Variants in SLIT3 observed in about 807,000 individuals in gnomAD.
SLIT3 encodes the protein slit guidance ligand 3.
In SLIT3, 68 loss-of-function variants were observed where a neutral mutation model predicts 184.0. That is an observed-to-expected ratio of 0.37 (90% CI 0.30 to 0.45). The LOEUF (loss-of-function observed/expected upper bound fraction) is 0.45, where lower values mean the gene tolerates loss of function less well. Ranked by LOEUF, SLIT3 falls within the 20% of genes least tolerant of loss-of-function variation. The pLI is 1.00. For missense variants in SLIT3, 1,707 were observed against 2,026.0 expected (o/e 0.84, Z 3.02); for synonymous variants, 831 against 828.6 (o/e 1.00, Z -0.05).
intron 6 of SLIT3, among the ~76,000 whole-genome samples, chr5:168,838,708 T>C (rs748797271): frequency 3.3e-5 from 5 of 152,164 alleles, no homozygotes; most frequent in African/African-American, 4.8e-5. Context: ...GTTTCAGGAC[T>C]GCTGTCGATT....
intron 4 of SLIT3, among the ~76,000 whole-genome samples, chr5:168,949,118 A>G (rs888378237): frequency 3.9e-5 from 6 of 152,312 alleles, no homozygotes; most frequent in South Asian, 2.1e-4. Context: ...TCTAACAGTC[A>G]GGTCAGCTCA....
chr5:169,217,519 C>T (rs999698400), intron 3 of SLIT3, among the ~76,000 whole-genome samples: 1 of 152,134 alleles, frequency 6.6e-6, no homozygotes, highest in Non-Finnish European at 1.5e-5. Flanking sequence ...ACACCATTGC[C>T]ACAAACACTC....
chr5:168,920,158 G>A (rs113051007), intron 4 of SLIT3, among the ~76,000 whole-genome samples: 1 of 152,076 alleles, frequency 6.6e-6, no homozygotes, highest in Non-Finnish European at 1.5e-5. Flanking sequence ...TGGGTATCTG[G>A]TCCTCACTTG....
intron 35 of SLIT3, 36 bp downstream of exon 35, chr5:168,669,747 C>A (rs781152983): frequency 6.4e-7 from 1 of 1,569,656 alleles, no homozygotes. Flanking sequence ...AACTCTGACC[C>A]CCACTTCCTC....
At chr5:168,929,590 T>C (rs1050414702) in intron 4 of SLIT3, among the ~76,000 whole-genome samples, 12 of 152,306 alleles carry the variant, frequency 7.9e-5, no homozygotes, top group East Asian at 1.9e-4. Context: ...TTCTGCACAA[T>C]TGGAAATGAG....
chr5:168,814,034 A>C (rs1757249477), intron 8 of SLIT3, among the ~76,000 whole-genome samples: 1 of 152,098 alleles, frequency 6.6e-6, no homozygotes, highest in Non-Finnish European at 1.5e-5. Context: ...TTCTTGACTG[A>C]ATTTCTCCTC....
intron 1 of SLIT3, among the ~76,000 whole-genome samples, chr5:169,290,951 G>C (rs1343565116): frequency 6.6e-6 from 1 of 152,136 alleles, no homozygotes; most frequent in Admixed American, 6.5e-5. Context: ...TAGAGAGGTA[G>C]AAAAACCCAA....
At chr5:168,845,009 A>G (rs1758407740) in intron 5 of SLIT3, among the ~76,000 whole-genome samples, 1 of 151,410 alleles carries the variant, frequency 6.6e-6, no homozygotes, top group Non-Finnish European at 1.5e-5. Context: ...ATTAAGCTAA[A>G]GGCCTGTAAA....
intron 4 of SLIT3, among the ~76,000 whole-genome samples, chr5:169,010,263 C>G (rs1219842006): frequency 6.6e-6 from 1 of 152,110 alleles, no homozygotes; most frequent in African/African-American, 2.4e-5. Flanking sequence ...CCTAACAATG[C>G]CAGATGAACA....
chr5:168,815,123 G>C (rs774052264), intron 8 of SLIT3, among the ~76,000 whole-genome samples: 2 of 152,226 alleles, frequency 1.3e-5, no homozygotes, highest in Non-Finnish European at 2.9e-5. Flanking sequence ...ATACTAAGAA[G>C]CTCCAGGGAC....
At chr5:169,205,162 A>C (rs571158871) in intron 3 of SLIT3, among the ~76,000 whole-genome samples, 1 of 152,150 alleles carries the variant, frequency 6.6e-6, no homozygotes, top group African/African-American at 2.4e-5. Flanking sequence ...AAAGTCTATG[A>C]ATTATATGCC....
rs72837994 is a variant in SLIT3, at chr5:169,289,667, T to C, written c.197+10846A>G. 3.6e-4 allele frequency among the ~76,000 whole-genome samples: 55 copies of C among 152,252 alleles called. 2 individuals carry two copies. Among genetic ancestry groups the C allele is most frequent in the South Asian group, 8.3e-4 (4 of 4,818 alleles). ...ATTTCAGGACCTGGGGTTCTGATGGTGACAGTCCAAATTCAATACTAAGGC... is the reference window on the plus strand; with the variant it reads ...ATTTCAGGACCTGGGGTTCTGATGGCGACAGTCCAAATTCAATACTAAGGC... On this transcript the variant is annotated intron_variant, in intron 1 of 35. Transcript: ENST00000519560.
At chr5:169,238,662 T>G (rs192725237) in intron 3 of SLIT3, among the ~76,000 whole-genome samples, 11 of 151,366 alleles carry the variant, frequency 7.3e-5, no homozygotes, top group Non-Finnish European at 1.5e-4. Flanking sequence ...AATTCTAACA[T>G]TATACTTCTC....
chr5:168,748,960 A>C (rs1754600257), intron 19 of SLIT3, among the ~76,000 whole-genome samples: 1 of 152,194 alleles, frequency 6.6e-6, no homozygotes, highest in African/African-American at 2.4e-5. Context: ...AAAGCCTCAG[A>C]TATCCATATC....
At chr5:169,153,776 T>C (rs1762203890) in intron 4 of SLIT3, among the ~76,000 whole-genome samples, 1 of 152,254 alleles carries the variant, frequency 6.6e-6, no homozygotes, top group Non-Finnish European at 1.5e-5. Flanking sequence ...CCTTTCCTTT[T>C]AGCTCAACTT....
At chr5:168,797,447 A>G (rs992002646) in intron 9 of SLIT3, among the ~76,000 whole-genome samples, 42 of 152,202 alleles carry the variant, frequency 2.8e-4, no homozygotes, top group African/African-American at 9.2e-4. Context: ...AAGAGGATCC[A>G]CTGCTCCCAA....
At chr5:168,859,541 C>T (rs1488430323) in intron 5 of SLIT3, among the ~76,000 whole-genome samples, 1 of 152,112 alleles carries the variant, frequency 6.6e-6, no homozygotes, top group African/African-American at 2.4e-5. Context: ...AATGTAAGAG[C>T]ACTGAGTAAA....
chr5:169,250,135 G>C (rs552190963), intron 2 of SLIT3, among the ~76,000 whole-genome samples: 16 of 152,312 alleles, frequency 1.1e-4, no homozygotes, highest in South Asian at 4.1e-4. Context: ...CTGCTATGTA[G>C]AGTTGGGTCT....
At chr5:168,924,246 T>C (rs1761733818) in intron 4 of SLIT3, among the ~76,000 whole-genome samples, 1 of 152,224 alleles carries the variant, frequency 6.6e-6, no homozygotes, top group African/African-American at 2.4e-5. Flanking sequence ...CGGCCTGGAC[T>C]GGACCATGTG....
Sources: allele counts gnomAD v4.1 joint callset (sites outside exome capture counted in the v4.1 genomes callset), GRCh38; gene constraint gnomAD v4.1.1; transcripts MANE v1.5; gene names NCBI Gene and HGNC (gene_info 2026-07-23, HGNC 2026-07-21).